TMEM272: variants seen among roughly 807,000 people sequenced by gnomAD.
The protein encoded by TMEM272 is transmembrane protein 272, also known as long intergenic non-protein coding RNA 282.
Under a neutral mutation model 3.7 loss-of-function variants are expected in TMEM272, and 8 were observed. That is an observed-to-expected ratio of 2.17 (90% confidence interval 1.27 to 3.91). The LOEUF (loss-of-function observed/expected upper bound fraction) is 3.91. TMEM272 is among the 30% of genes most tolerant of loss of function. The probability of loss-of-function intolerance (pLI) is 0.00; values close to 1 mark genes in which losing one functional copy is unlikely to be tolerated. For missense variants in TMEM272, 166 were observed against 91.5 expected, an observed-to-expected ratio of 1.81 and a Z score of -3.32; for synonymous variants, 63 against 39.8, an observed-to-expected ratio of 1.58 and a Z score of -2.20.
chr13:51,862,471 T>C, the TMEM272 span, among the ~76,000 whole-genome samples: 7 of 152,252 alleles, frequency 4.6e-5, no homozygotes, highest in Non-Finnish European at 1.0e-4. Flanking sequence ...AAAGAAAGTT[T>C]AGTGTTCACT....
At chr13:51,847,120 C>A (rs975336988), upstream of TMEM272, among the ~76,000 whole-genome samples, 1 of 152,106 alleles carries the variant, frequency 6.6e-6, no homozygotes, top group Non-Finnish European at 1.5e-5. Flanking sequence ...GTATTTTCTA[C>A]GTTTAGATAC....
chr13:51,828,105 T>C (rs1956143272), intron 2 of TMEM272, among the ~76,000 whole-genome samples: 1 of 152,158 alleles, frequency 6.6e-6, no homozygotes, highest in Non-Finnish European at 1.5e-5. Flanking sequence ...CTCAGAGACA[T>C]TCATCACCCA....
the TMEM272 span, among the ~76,000 whole-genome samples, chr13:51,875,602 C>G: frequency 6.6e-5 from 10 of 152,186 alleles, no homozygotes; most frequent in Admixed American, 5.9e-4. Flanking sequence ...TCCAGACCCA[C>G]TGGAGGGTCA....
upstream of TMEM272, among the ~76,000 whole-genome samples, chr13:51,846,445 A>G (rs1956306220): frequency 6.6e-6 from 1 of 152,270 alleles, no homozygotes; most frequent in South Asian, 2.1e-4. Flanking sequence ...CCAATCACAT[A>G]AAAGTAAAGT....
the TMEM272 span, among the ~76,000 whole-genome samples, chr13:51,874,983 T>C: frequency 3.2e-4 from 48 of 152,176 alleles, 1 homozygote; most frequent in Non-Finnish European, 7.4e-5. Context: ...TCAGAGCTGG[T>C]TGCTTAGCAA....
chr13:51,862,979 AAGTAATAGTGG>A, the TMEM272 span, among the ~76,000 whole-genome samples: 3 of 152,240 alleles, frequency 2.0e-5, no homozygotes, highest in African/African-American at 7.2e-5. Flanking sequence ...CAAGTGTGAC[AAGTAATAGTGG>A]AGTAACAGAC....
At chr13:51,840,187 C>T (rs1218787241) in intron 1 of TMEM272, among the ~76,000 whole-genome samples, 2 of 151,820 alleles carry the variant, frequency 1.3e-5, no homozygotes, top group South Asian at 2.1e-4. Context: ...GGACTTTGTG[C>T]CTTCAAAGCC....
At chr13:51,861,042 T>C in the TMEM272 span, among the ~76,000 whole-genome samples, 3 of 151,882 alleles carry the variant, frequency 2.0e-5, no homozygotes, top group Admixed American at 6.6e-5. Context: ...TGTCACAAGA[T>C]AGATGAAACT....
At chr13:51,843,716 A>C (rs749621497) in intron 1 of TMEM272, among the ~76,000 whole-genome samples, 12 of 152,186 alleles carry the variant, frequency 7.9e-5, no homozygotes, top group Non-Finnish European at 1.3e-4. Context: ...TTACAAGTCT[A>C]TCCTTGGGCA....
the TMEM272 span, among the ~76,000 whole-genome samples, chr13:51,916,825 G>T: frequency 1.3e-5 from 2 of 152,144 alleles, no homozygotes; most frequent in Admixed American, 1.3e-4. Context: ...AAACCAGCAA[G>T]AATTCAGTAC....
At chr13:51,860,536 G>A in the TMEM272 span, among the ~76,000 whole-genome samples, 2 of 151,506 alleles carry the variant, frequency 1.3e-5, no homozygotes, top group Non-Finnish European at 2.9e-5. Context: ...CTACTTGAGA[G>A]GCTGAGGTGG....
At chr13:51,821,916 C>T (rs1640088213) in intron 4 of TMEM272, 139 bp downstream of exon 4, 2 of 673,072 alleles carry the variant, frequency 3.0e-6, no homozygotes, top group African/African-American at 1.8e-5. Flanking sequence ...CTGGAGCTAG[C>T]CCCATCACTT....
intron 2 of TMEM272, among the ~76,000 whole-genome samples, chr13:51,837,205 A>C (rs1208484941): frequency 2.0e-5 from 3 of 152,146 alleles, no homozygotes; most frequent in Non-Finnish European, 2.9e-5. Flanking sequence ...TTTCTGGGAA[A>C]CCCTGAGCAT....
At chr13:51,890,933 T>G in the TMEM272 span, among the ~76,000 whole-genome samples, 5 of 152,248 alleles carry the variant, frequency 3.3e-5, no homozygotes, top group African/African-American at 1.2e-4. Context: ...AAACTCAATT[T>G]GTTGAACTTT....
chr13:51,903,255 T>C, the TMEM272 span, among the ~76,000 whole-genome samples: 2 of 152,220 alleles, frequency 1.3e-5, no homozygotes, highest in Non-Finnish European at 2.9e-5. Flanking sequence ...TATTTATTAC[T>C]CACTAAGTCC....
chr13:51,880,287 A>G, the TMEM272 span, among the ~76,000 whole-genome samples: 1 of 152,006 alleles, frequency 6.6e-6, no homozygotes, highest in Non-Finnish European at 1.5e-5. Flanking sequence ...AAAAAAAAAA[A>G]AAAAAAAAAG....
At chr13:51,833,599 G>C (rs552462011) in intron 2 of TMEM272, among the ~76,000 whole-genome samples, 1 of 152,094 alleles carries the variant, frequency 6.6e-6, no homozygotes, top group East Asian at 1.9e-4. Flanking sequence ...GAATGGTGGA[G>C]GCACTGACGG....
chr13:51,813,400 G>A lies in TMEM272; in HGVS notation c.*3351C>T, dbSNP rs116042953. On this transcript the variant is annotated 3_prime_UTR_variant, in exon 5 of 5. Coordinates refer to ENST00000629372, the MANE Select transcript of TMEM272 (RefSeq NM_001351003.2). ...CAATGAAAAATGCCCAGAAGGAAATGAAGCACAAGATTCAGTTACACAAAG... is the reference window on the plus strand; with the variant it reads ...CAATGAAAAATGCCCAGAAGGAAATAAAGCACAAGATTCAGTTACACAAAG... 3.8e-5 allele frequency: 15 copies of A among 397,646 alleles called. No homozygotes were observed. Among genetic ancestry groups the A allele is most frequent in the African/African-American group, 2.7e-4 (13 of 48,738 alleles). 24.6% of individuals were successfully genotyped at this position (397,646 alleles called of 1,614,324 possible).
the TMEM272 span, chr13:51,910,662 C>T: frequency 1.9e-5 from 9 of 471,042 alleles, no homozygotes; most frequent in Non-Finnish European, 3.6e-5. Context: ...GTAACCATGG[C>T]CTGTCGAGGC....
Sources: gnomAD v4.1 joint callset for allele counts (sites outside exome capture counted in the v4.1 genomes callset) on GRCh38, gnomAD v4.1.1 for gene constraint, MANE v1.5 for transcripts, NCBI Gene and HGNC (gene_info 2026-07-23, HGNC 2026-07-21) for gene names.